Variants in LRRC7 observed in about 807,000 individuals in gnomAD.
The protein encoded by LRRC7 is leucine rich repeat containing 7, also known as leucine-rich repeat-containing protein 7.
LRRC7 carries 23 observed loss-of-function variants against 175.7 expected under a neutral mutation model. The observed-to-expected ratio is 0.13, with a 90% CI of 0.09 to 0.19. LRRC7 has a LOEUF of 0.19. LRRC7 is among the 10% of genes least tolerant of loss of function. The pLI, the probability that LRRC7 is intolerant of heterozygous loss-of-function variation, is 1.00. For synonymous variants in LRRC7, 685 were observed against 680.9 expected (o/e 1.01, Z -0.09); for missense variants, 1,354 against 1,904.7 (o/e 0.71, Z 5.38).
At chr1:69,738,207 T>C (rs977984533) in intron 2 of LRRC7, among the ~76,000 whole-genome samples, 5 of 152,054 alleles carry the variant, frequency 3.3e-5, no homozygotes, top group Non-Finnish European at 7.4e-5. Flanking sequence ...CATTGATTAC[T>C]TCACTCAGCT....
At chr1:69,757,247 A>AG in intron 2 of LRRC7, among the ~76,000 whole-genome samples, 1 of 152,114 alleles carries the variant, frequency 6.6e-6, no homozygotes, top group East Asian at 1.9e-4. Flanking sequence ...TTAAAGTGCA[A>AG]GGGGGACAGC....
At chr1:70,025,931 T>C (rs1343852943) in intron 17 of LRRC7, among the ~76,000 whole-genome samples, 1 of 152,020 alleles carries the variant, frequency 6.6e-6, no homozygotes, top group African/African-American at 2.4e-5. Flanking sequence ...TTAAGCTTCA[T>C]TAATGCATAG....
At chr1:70,073,065 T>C (rs1183867024) in intron 23 of LRRC7, among the ~76,000 whole-genome samples, 2 of 152,186 alleles carry the variant, frequency 1.3e-5, no homozygotes, top group East Asian at 3.9e-4. Context: ...GAAATGTACT[T>C]AACCTCTTCC....
At chr1:69,851,498 G>A (rs1471489075) in intron 7 of LRRC7, among the ~76,000 whole-genome samples, 3 of 152,078 alleles carry the variant, frequency 2.0e-5, no homozygotes, top group Non-Finnish European at 4.4e-5. Context: ...GTGAGGGAAT[G>A]GGATGTAGAG....
rs899146245 is a variant in LRRC7, at chr1:70,142,793, A to AAAG, written c.*20909_*20911dup. On this transcript the variant is annotated 3_prime_UTR_variant, in exon 27 of 27. Coordinates refer to ENST00000651989, the MANE Select transcript of LRRC7 (RefSeq NM_001370785.2). ...ATGAACTAGGGTCTTTCTATTCAAA[A>AAAG]AAGAAATATTAAACTAACATAAGCA... 1.3e-4 allele frequency: 20 copies of AAAG among 152,142 alleles called. No individual in the cohort carries two copies. Among genetic ancestry groups the AAAG allele is most frequent in the African/African-American group, 4.8e-4 (20 of 41,452 alleles). The allele number at this position is 152,142 out of a possible 1,614,324, so 9.4% of individuals were successfully genotyped here.
intron 1 of LRRC7, among the ~76,000 whole-genome samples, chr1:69,605,601 A>G (rs1647417618): frequency 6.6e-6 from 1 of 152,146 alleles, no homozygotes; most frequent in Admixed American, 6.6e-5. Flanking sequence ...ATCATGATTG[A>G]TGCTACTGGG....
chr1:69,986,671 A>G (rs919484696), intron 10 of LRRC7, among the ~76,000 whole-genome samples: 1 of 152,186 alleles, frequency 6.6e-6, no homozygotes, highest in Non-Finnish European at 1.5e-5. Context: ...TATAAGGAGT[A>G]TGTATGTTTT....
intron 1 of LRRC7, among the ~76,000 whole-genome samples, chr1:69,583,450 C>T (rs1646278571): frequency 6.6e-6 from 1 of 152,082 alleles, no homozygotes; most frequent in South Asian, 2.1e-4. Flanking sequence ...TCAAGGGTAA[C>T]ACAGTCACCA....
intron 8 of LRRC7, among the ~76,000 whole-genome samples, chr1:69,934,311 G>A (rs988860718): frequency 1.3e-5 from 2 of 152,112 alleles, no homozygotes; most frequent in Non-Finnish European, 2.9e-5. Context: ...AATGAGAACA[G>A]AAGTTGGCTT....
intron 1 of LRRC7, among the ~76,000 whole-genome samples, chr1:69,604,863 T>A (rs1296388934): frequency 6.6e-6 from 1 of 152,186 alleles, no homozygotes; most frequent in Non-Finnish European, 1.5e-5. Flanking sequence ...TTACTACTAA[T>A]GACATTACAC....
intron 4 of LRRC7, among the ~76,000 whole-genome samples, chr1:69,811,490 A>G (rs1401630513): frequency 1.3e-5 from 2 of 152,182 alleles, no homozygotes; most frequent in Non-Finnish European, 2.9e-5. Flanking sequence ...TTATGGCACT[A>G]TTCACAATAG....
At chr1:69,727,615 T>C (rs987168415) in intron 2 of LRRC7, among the ~76,000 whole-genome samples, 1 of 152,180 alleles carries the variant, frequency 6.6e-6, no homozygotes, top group African/African-American at 2.4e-5. Context: ...CAGAATTGCT[T>C]TTTCTAGATC....
At chr1:69,981,934 T>C (rs1304911592) in intron 9 of LRRC7, among the ~76,000 whole-genome samples, 1 of 152,038 alleles carries the variant, frequency 6.6e-6, no homozygotes, top group African/African-American at 2.4e-5. Flanking sequence ...GAAACTAAAA[T>C]ACAAAAAAAG....
At chr1:69,858,987 A>G (rs1301540006) in intron 7 of LRRC7, among the ~76,000 whole-genome samples, 1 of 152,132 alleles carries the variant, frequency 6.6e-6, no homozygotes, top group East Asian at 1.9e-4. Context: ...CTAAGTGCAT[A>G]AAGCAAATAT....
intron 7 of LRRC7, among the ~76,000 whole-genome samples, chr1:69,906,604 G>A (rs1646321657): frequency 1.3e-5 from 2 of 152,070 alleles, no homozygotes; most frequent in Non-Finnish European, 2.9e-5. Context: ...GCTCTGTTCT[G>A]TTCCATTGAT....
chr1:70,076,311 T>C lies in LRRC7; in HGVS notation c.4452+13T>C. On this transcript the variant is annotated intron_variant, in intron 24 of 26. Transcript: ENST00000651989. ...ATATCCAGAGCAGGTGAGAAGTGTT[T>C]CTTTATTACTGAAAAATCTTCAGGT... The C allele has an allele frequency of 6.2e-7, 1 of 1,610,566 alleles. No individual in the cohort carries two copies. Among genetic ancestry groups the C allele is most frequent in the Non-Finnish European group, 8.5e-7 (1 of 1,177,324 alleles).
intron 1 of LRRC7, among the ~76,000 whole-genome samples, chr1:69,656,977 GA>G (rs1229076362): frequency 1.3e-5 from 2 of 151,758 alleles, no homozygotes; most frequent in Non-Finnish European, 3.0e-5. Context: ...GAAAAAAAAG[GA>G]AAGGAGAGGA....
intron 2 of LRRC7, among the ~76,000 whole-genome samples, chr1:69,703,776 T>C (rs879578556): frequency 6.6e-6 from 1 of 151,986 alleles, no homozygotes; most frequent in Non-Finnish European, 1.5e-5. Flanking sequence ...CATTTTGAGG[T>C]TTGCCTTTTA....
chr1:69,572,177 A>G (rs1055796191), intron 1 of LRRC7, among the ~76,000 whole-genome samples: 5 of 152,152 alleles, frequency 3.3e-5, no homozygotes, highest in African/African-American at 9.6e-5. Flanking sequence ...AGATGACTCT[A>G]GGCTCTTTGG....
Sources: allele counts gnomAD v4.1 joint callset (sites outside exome capture counted in the v4.1 genomes callset), GRCh38; gene constraint gnomAD v4.1.1; transcripts MANE v1.5; gene names NCBI Gene and HGNC (gene_info 2026-07-23, HGNC 2026-07-21).